PCDHA6: variants seen among roughly 807,000 people sequenced by gnomAD.
PCDHA6 encodes the protein protocadherin alpha-6.
PCDHA6 carries 55 observed loss-of-function variants against 60.3 expected under a neutral mutation model. That is an observed-to-expected ratio of 0.91 (90% CI 0.73 to 1.14). The LOEUF is 1.14. Among genes scored for constraint, PCDHA6 ranks in the 50% most tolerant of loss-of-function variants. The probability of loss-of-function intolerance (pLI) is 0.00; values close to 1 mark genes in which losing one functional copy is unlikely to be tolerated. For synonymous variants in PCDHA6, 652 were observed against 557.9 expected (o/e 1.17, Z -2.38); for missense variants, 1,327 against 1,256.5 (o/e 1.06, Z -0.85).
Position 141,009,979 on chromosome 5 carries a change from T to C in PCDHA6, c.*42T>C. 2.5e-6 allele frequency: 4 copies of C among 1,583,392 alleles called. No individual in the cohort carries two copies. Among genetic ancestry groups the C allele is most frequent in the Non-Finnish European group, 3.4e-6 (4 of 1,168,152 alleles). On this transcript the variant is annotated 3_prime_UTR_variant, in exon 4 of 4. Coordinates refer to ENST00000529310, the MANE Select transcript of PCDHA6 (RefSeq NM_018909.4). The stretch of plus-strand genomic sequence containing the variant: ...CAAGCCACTTAGCCAGTTTTTGTAA[T>C]AATGGCAAATCTCTCCCATGTAGCA...
Position 140,828,626 on chromosome 5 carries a change from G to C in PCDHA6, c.535G>C (p.Gly179Arg), listed in dbSNP as rs1292534909. The C allele has an allele frequency of 2.5e-6, 4 of 1,613,974 alleles. No individual in the cohort carries two copies. The highest frequency in any genetic ancestry group is 4.5e-5 in the East Asian group (2 of 44,898). ...TYKLSSSEYF[G>R]LDVKINSDDN... ...TAAACTCAGTTCTAGCGAATACTTC[G>C]GGCTAGATGTGAAAATAAACAGTGA... The change falls in exon 1 of 4, where the codon GGG becomes CGG. Residue 179 changes from glycine (G) to arginine (R), a missense_variant. Transcript: ENST00000529310.
At chr5:140,955,623 T>C (rs2095210763) in intron 1 of PCDHA6, among the ~76,000 whole-genome samples, 1 of 152,208 alleles carries the variant, frequency 6.6e-6, no homozygotes, top group Non-Finnish European at 1.5e-5. Context: ...GGCAGTTCTT[T>C]ATAGCAGTGT....
At chr5:140,842,020 G>A in intron 1 of PCDHA6, 1 of 1,613,768 alleles carries the variant, frequency 6.2e-7, no homozygotes, top group South Asian at 1.1e-5. Flanking sequence ...TCACAGTGCT[G>A]GATGTGAATG....
rs1320203097 is a variant in PCDHA6 at position 140,848,970 on chromosome 5, G to C, written c.2394+18485G>C. ...TCGGTTTCCACTAGAGGGCGCGTCC[G>C]ATGCAGATATCGGGGAGAACGCCCT... On this transcript the variant is annotated intron_variant, in intron 1 of 3. Transcript: ENST00000529310. 3.7e-5 allele frequency: 60 copies of C among 1,602,546 alleles called. 1 individual carries two copies. The highest frequency in any genetic ancestry group is 5.0e-5 in the Non-Finnish European group (59 of 1,173,282).
At chr5:140,967,789 T>A (rs782032459) in intron 1 of PCDHA6, 2 of 1,614,076 alleles carry the variant, frequency 1.2e-6, no homozygotes, top group Non-Finnish European at 1.7e-6. Context: ...CTGACCGGGG[T>A]CCAGTGCCCA....
At chr5:140,877,163 C>T (rs782243946) in intron 1 of PCDHA6, 3 of 1,613,816 alleles carry the variant, frequency 1.9e-6, no homozygotes, top group Non-Finnish European at 2.5e-6. Context: ...AACGCGCCGG[C>T]ACTGCTGGCG....
chr5:140,866,441 G>A (rs1313181432), intron 1 of PCDHA6: 1 of 151,728 alleles, frequency 6.6e-6, no homozygotes, highest in African/African-American at 2.4e-5. Flanking sequence ...GTCTTCTTCA[G>A]TCTTATTGTT....
chr5:140,853,994 C>T (rs1157670229), intron 1 of PCDHA6: 36 of 477,606 alleles, frequency 7.5e-5, no homozygotes, highest in Non-Finnish European at 9.6e-5. Flanking sequence ...TGAGACTCAT[C>T]TCTGCCAAAA....
intron 1 of PCDHA6, chr5:140,852,757 G>T (rs1243910073): frequency 9.2e-6 from 9 of 983,578 alleles, no homozygotes; most frequent in Admixed American, 1.3e-4. Context: ...TTGGACCCAG[G>T]TATCTGATTA....
intron 1 of PCDHA6, chr5:140,850,645 T>C: frequency 1.3e-6 from 2 of 1,598,542 alleles, no homozygotes; most frequent in South Asian, 1.1e-5. Context: ...ACGCTGCTGC[T>C]GTACACTGTG....
At chr5:140,938,827 C>T (rs905501922) in intron 1 of PCDHA6, among the ~76,000 whole-genome samples, 4 of 151,880 alleles carry the variant, frequency 2.6e-5, no homozygotes, top group Non-Finnish European at 4.4e-5. Context: ...CATGAGTTTG[C>T]GTTATAACAA....
intron 3 of PCDHA6, among the ~76,000 whole-genome samples, chr5:140,997,912 A>G (rs2097790316): frequency 6.6e-6 from 1 of 152,224 alleles, no homozygotes; most frequent in Admixed American, 6.5e-5. Flanking sequence ...GTAGAATTAC[A>G]GAATCATAGG....
Position 140,843,051 on chromosome 5 carries a change from C to G in PCDHA6, c.2394+12566C>G, listed in dbSNP as rs2150351121. ...CGGGTGGGTGGCACTGGTGGCGCAG[C>G]GAGCAAGCTGGTGCCGCGGTCTGTG... On this transcript the variant is annotated intron_variant, in intron 1 of 3. Transcript: ENST00000529310. 14 of 1,594,994 alleles carry G rather than the reference C, an allele frequency of 8.8e-6. 2 individuals carry two copies. The highest frequency in any genetic ancestry group is 2.2e-5 in the South Asian group (2 of 90,478).
intron 1 of PCDHA6, among the ~76,000 whole-genome samples, chr5:140,977,307 G>A (rs1023836424): frequency 6.6e-6 from 1 of 152,304 alleles, no homozygotes; most frequent in Non-Finnish European, 1.5e-5. Context: ...ACAAGCTAAC[G>A]ATAGTGCTCC....
At chr5:140,858,713 G>A (rs1554151978) in intron 1 of PCDHA6, 3 of 521,676 alleles carry the variant, frequency 5.8e-6, no homozygotes, top group African/African-American at 3.9e-5. Context: ...TGTGATATAG[G>A]TTGCAGTTCT....
At chr5:140,974,652 C>T (rs1238427822) in intron 1 of PCDHA6, among the ~76,000 whole-genome samples, 2 of 152,078 alleles carry the variant, frequency 1.3e-5, no homozygotes, top group East Asian at 1.9e-4. Context: ...GCTGAGATTA[C>T]AGGCATGCGC....
chr5:140,860,681 T>G (rs2046516125), intron 1 of PCDHA6: 1 of 152,216 alleles, frequency 6.6e-6, no homozygotes, highest in Non-Finnish European at 1.5e-5. Context: ...TGCACTTATG[T>G]TTTGAGCGAC....
In PCDHA6 at chr5:140,829,989, C is replaced by T. The variant is rs2150179119; in HGVS notation, c.1898C>T (p.Thr633Ile). 6.8e-6 allele frequency: 11 copies of T among 1,613,848 alleles called. No homozygotes were observed. Among genetic ancestry groups the T allele is most frequent in the Non-Finnish European group, 9.3e-6 (11 of 1,179,920 alleles). ...GGGCTGTACACGGGCGAGATCAGCACCACTCGTGTCCTGGACGAAGCGGAC... is the reference window on the plus strand; with the variant it reads ...GGGCTGTACACGGGCGAGATCAGCATCACTCGTGTCCTGGACGAAGCGGAC... ...RVGLYTGEIS[T>I]TRVLDEADSP... Residue 633 changes from threonine to isoleucine, a missense_variant, in exon 1 of 4, where the codon ACC (threonine) becomes ATC (isoleucine). Coordinates refer to ENST00000529310, the MANE Select transcript of PCDHA6 (RefSeq NM_018909.4).
intron 1 of PCDHA6, among the ~76,000 whole-genome samples, chr5:140,911,590 C>A (rs778543832): frequency 3.3e-5 from 5 of 152,156 alleles, no homozygotes; most frequent in Non-Finnish European, 4.4e-5. Context: ...TAGGAGGAAC[C>A]AACCAACTTC....
Sources: gnomAD v4.1 joint callset for allele counts (sites outside exome capture counted in the v4.1 genomes callset) on GRCh38, gnomAD v4.1.1 for gene constraint, MANE v1.5 for transcripts, NCBI Gene and HGNC (gene_info 2026-07-23, HGNC 2026-07-21) for gene names.